Variants in EPC2 observed in about 807,000 individuals in gnomAD.
The protein encoded by EPC2 is enhancer of polycomb 2.
A neutral mutation model predicts 92.1 loss-of-function variants in EPC2; 14 were observed. The ratio of observed to expected loss-of-function variants is 0.15; its 90% CI spans 0.10 to 0.24. The LOEUF (loss-of-function observed/expected upper bound fraction) is 0.24, where lower values mean the gene tolerates loss of function less well. Among genes scored for constraint, EPC2 ranks in the 10% least tolerant of loss-of-function variants. The pLI is 1.00. For missense variants in EPC2, 755 were observed against 971.5 expected, an observed-to-expected ratio of 0.78 and a Z score of 2.96; for synonymous variants, 340 against 334.7, an observed-to-expected ratio of 1.02 and a Z score of -0.17.
At chr2:148,645,394 C>T in intron 1 of EPC2, 1 of 466,390 alleles carries the variant, frequency 2.1e-6, no homozygotes, top group Non-Finnish European at 3.8e-6. Flanking sequence ...TAGCTCGCAG[C>T]GCTGCTTACG....
intron 2 of EPC2, among the ~76,000 whole-genome samples, chr2:148,711,550 T>G (rs962861430): frequency 1.3e-5 from 2 of 152,204 alleles, no homozygotes; most frequent in East Asian, 3.8e-4. Flanking sequence ...AAAAGTGTGT[T>G]CTGCTCTTTT....
chr2:148,755,595 C>T (rs567822029), intron 4 of EPC2, among the ~76,000 whole-genome samples: 19 of 152,262 alleles, frequency 1.2e-4, no homozygotes, highest in African/African-American at 3.9e-4. Context: ...TACACAAGTA[C>T]TTACCTTATG....
At chr2:148,651,057 A>G (rs1680673175) in intron 1 of EPC2, among the ~76,000 whole-genome samples, 1 of 152,222 alleles carries the variant, frequency 6.6e-6, no homozygotes, top group Non-Finnish European at 1.5e-5. Context: ...AGAGCATTAG[A>G]GAAAGTTAAA....
chr2:148,722,061 T>C (rs1682391130), intron 2 of EPC2, among the ~76,000 whole-genome samples: 1 of 152,136 alleles, frequency 6.6e-6, no homozygotes, highest in Non-Finnish European at 1.5e-5. Flanking sequence ...CTTAGCTGCT[T>C]AGTATGTCTT....
At chr2:148,693,599 G>A (rs887615772) in intron 2 of EPC2, among the ~76,000 whole-genome samples, 42 of 151,950 alleles carry the variant, frequency 2.8e-4, no homozygotes, top group African/African-American at 9.2e-4. Flanking sequence ...TAACCTCCTC[G>A]CGATCAGGGG....
chr2:148,729,464 A>G (rs1368046571), intron 2 of EPC2, among the ~76,000 whole-genome samples: 1 of 152,146 alleles, frequency 6.6e-6, no homozygotes, highest in Non-Finnish European at 1.5e-5. Context: ...TCAGAAGTAC[A>G]TTATTATTAA....
At chr2:148,783,563 A>G in intron 11 of EPC2, 34 bp from the exon 12 acceptor site, 20 of 1,566,222 alleles carry the variant, frequency 1.3e-5, no homozygotes, top group Non-Finnish European at 1.7e-5. Flanking sequence ...ATCACATCTA[A>G]AAATTAGAGT....
chr2:148,688,509 A>C (rs1042546487), intron 1 of EPC2, among the ~76,000 whole-genome samples: 2 of 152,114 alleles, frequency 1.3e-5, no homozygotes, highest in Non-Finnish European at 2.9e-5. Flanking sequence ...ACATGTATAC[A>C]TATGTAACAA....
Position 148,743,744 on chromosome 2 carries a change from C to A in EPC2, c.436C>A (p.Leu146Ile). The change falls in exon 3 of 14, where the codon CTT (leucine) becomes ATT (isoleucine). Residue 146 changes from leucine (L) to isoleucine (I), a missense_variant. This residue lies in a region of EPC2 where 509 missense variants were observed against 607.7 expected (regional missense o/e 0.84). Coordinates refer to ENST00000258484, the MANE Select transcript of EPC2 (RefSeq NM_015630.4). The part of the protein sequence containing the change: ...PLQFEIMIDR[L>I]EKASSNQLVT... The stretch of plus-strand genomic sequence containing the variant: ...GCAATTTGAAATTATGATTGACAGA[C>A]TTGAAAAAGCCAGTTCTAATCAGGT... 1 of 1,599,528 alleles carries A rather than the reference C, an allele frequency of 6.3e-7. No individual in the cohort carries two copies. Among genetic ancestry groups the A allele is most frequent in the Admixed American group, 1.7e-5 (1 of 57,324 alleles).
chr2:148,663,385 A>T (rs190092656), intron 1 of EPC2, among the ~76,000 whole-genome samples: 23 of 150,584 alleles, frequency 1.5e-4, no homozygotes, highest in African/African-American at 5.6e-4. Context: ...CACCTGACTA[A>T]TTTTTTGTAT....
At chr2:148,783,186 G>C (rs1160672377) in intron 11 of EPC2, among the ~76,000 whole-genome samples, 1 of 152,146 alleles carries the variant, frequency 6.6e-6, no homozygotes, top group East Asian at 1.9e-4. Context: ...TGAGTCTCCT[G>C]GTTAACCAAC....
At chr2:148,720,998 T>C (rs1026539281) in intron 2 of EPC2, among the ~76,000 whole-genome samples, 9 of 152,326 alleles carry the variant, frequency 5.9e-5, no homozygotes, top group African/African-American at 2.2e-4. Context: ...GTAAGTAAAC[T>C]GCTTATGTAT....
intron 2 of EPC2, among the ~76,000 whole-genome samples, chr2:148,710,667 A>G (rs1040260699): frequency 4.8e-5 from 7 of 144,650 alleles, no homozygotes; most frequent in African/African-American, 1.5e-4. Context: ...CTATGCAGCC[A>G]TAAAAAATAA....
intron 10 of EPC2, among the ~76,000 whole-genome samples, chr2:148,772,729 T>C (rs1683551032): frequency 6.6e-6 from 1 of 152,170 alleles, no homozygotes; most frequent in Admixed American, 6.5e-5. Flanking sequence ...GAAAGAGTGC[T>C]TGAAGCTGAA....
intron 2 of EPC2, among the ~76,000 whole-genome samples, chr2:148,716,168 C>T (rs1490164801): frequency 6.6e-6 from 1 of 152,104 alleles, no homozygotes; most frequent in Admixed American, 6.5e-5. Flanking sequence ...TTATCTGCAA[C>T]CAAAGATAAT....
At chr2:148,762,875 T>G (rs758228179) in intron 6 of EPC2, 73 bp downstream of exon 6, 228 of 1,471,464 alleles carry the variant, frequency 1.5e-4, no homozygotes, top group Non-Finnish European at 2.0e-4. Context: ...TCTGCAGTTG[T>G]CTTAATATGG....
At chr2:148,698,843 A>ATTTT (rs1558813040) in intron 2 of EPC2, among the ~76,000 whole-genome samples, 1,635 of 117,756 alleles carry the variant, frequency 0.014, 34 homozygotes, top group African/African-American at 0.045. Flanking sequence ...TTTTTTTTTA[A>ATTTT]AAAAAAAGCA....
At chr2:148,647,619 C>CTTTTTTT (rs55731814) in intron 1 of EPC2, among the ~76,000 whole-genome samples, 2 of 63,730 alleles carry the variant, frequency 3.1e-5, no homozygotes, top group African/African-American at 6.4e-5. Flanking sequence ...GCCTTGCAGA[C>CTTTTTTT]TTTTTTTTTT....
chr2:148,765,223 T>C (rs1683386670), intron 7 of EPC2, 77 bp downstream of exon 7: 3 of 1,061,518 alleles, frequency 2.8e-6, no homozygotes. Context: ...AATTGCTATC[T>C]TAGAGTTTTT....
Sources: allele counts gnomAD v4.1 joint callset (sites outside exome capture counted in the v4.1 genomes callset), GRCh38; gene constraint gnomAD v4.1.1; regional missense constraint gnomAD v4.1.1; transcripts MANE v1.5; gene names NCBI Gene and HGNC (gene_info 2026-07-23, HGNC 2026-07-21).